The following HYKK variants were observed in gnomAD, a reference collection of about 807,000 sequenced individuals.
HYKK encodes the protein hydroxylysine kinase.
Under a neutral mutation model 29.7 loss-of-function variants are expected in HYKK, and 19 were observed. The ratio of observed to expected loss-of-function variants is 0.64; its 90% CI spans 0.45 to 0.94. The LOEUF (loss-of-function observed/expected upper bound fraction) is 0.94. HYKK is among the 40% of genes least tolerant of loss of function. HYKK has a pLI of 0.00. For missense variants in HYKK, 390 were observed against 443.4 expected (o/e 0.88, Z 1.08); for synonymous variants, 152 against 158.1 (o/e 0.96, Z 0.29).
At chr15:78,529,055 G>C (rs2052286219) in intron 4 of HYKK, among the ~76,000 whole-genome samples, 1 of 152,160 alleles carries the variant, frequency 6.6e-6, no homozygotes, top group Non-Finnish European at 1.5e-5. Context: ...TTTCTCTCAT[G>C]TCACAAATCC....
intron 3 of HYKK, among the ~76,000 whole-genome samples, chr15:78,517,867 C>T (rs2052152400): frequency 6.6e-6 from 1 of 152,168 alleles, no homozygotes; most frequent in African/African-American, 2.4e-5. Context: ...TGGCCCTGTG[C>T]GTGCCATGTA....
chr15:78,516,852 C>G (rs2052138568), intron 3 of HYKK, among the ~76,000 whole-genome samples: 1 of 151,814 alleles, frequency 6.6e-6, no homozygotes, highest in South Asian at 2.1e-4. Context: ...GAAACCCTGT[C>G]TCTACTAAAA....
At chr15:78,528,690 C>A in intron 4 of HYKK, 1 of 317,558 alleles carries the variant, frequency 3.1e-6, no homozygotes, top group Non-Finnish European at 4.5e-6. Context: ...GTAATCTCAG[C>A]TACTCAGAGG....
At chr15:78,520,907 G>A (rs1167510068) in intron 3 of HYKK, among the ~76,000 whole-genome samples, 19 of 150,392 alleles carry the variant, frequency 1.3e-4, no homozygotes, top group Admixed American at 9.3e-4. Context: ...GCGGCTGGCC[G>A]GGTGGGGGGC....
intron 2 of HYKK, 108 bp downstream of exon 2, chr15:78,513,533 G>C (rs1040684858): frequency 2.5e-6 from 2 of 795,002 alleles, no homozygotes; most frequent in South Asian, 1.7e-5. Flanking sequence ...GTGTAGATGT[G>C]GTTGTTATTA....
At chr15:78,512,320 G>A (rs892588200) in intron 1 of HYKK, among the ~76,000 whole-genome samples, 21 of 151,866 alleles carry the variant, frequency 1.4e-4, no homozygotes, top group Non-Finnish European at 1.9e-4. Flanking sequence ...AACCTAAGAC[G>A]GTAGGAATAT....
At chr15:78,524,713 G>A (rs560280832) in intron 3 of HYKK, among the ~76,000 whole-genome samples, 151 of 152,240 alleles carry the variant, frequency 9.9e-4, no homozygotes, top group African/African-American at 3.5e-3. Flanking sequence ...GGAGGCTGAG[G>A]CAGGAGTATC....
At chr15:78,531,927 T>C (rs2052316490) in intron 4 of HYKK, among the ~76,000 whole-genome samples, 1 of 136,838 alleles carries the variant, frequency 7.3e-6, no homozygotes, top group Non-Finnish European at 1.7e-5. Context: ...AGTAATATTG[T>C]TTCTATGTGC....
At chr15:78,510,834 G>A (rs1436979546) in intron 1 of HYKK, among the ~76,000 whole-genome samples, 1 of 152,062 alleles carries the variant, frequency 6.6e-6, no homozygotes, top group Non-Finnish European at 1.5e-5. Flanking sequence ...ACAAATGTAA[G>A]CCATGTCGCC....
intron 2 of HYKK, among the ~76,000 whole-genome samples, chr15:78,513,859 A>T (rs2052100394): frequency 6.6e-6 from 1 of 152,086 alleles, no homozygotes; most frequent in African/African-American, 2.4e-5. Context: ...TGGCGCAGTC[A>T]CAGCTCACTG....
chr15:78,509,288 G>C (rs1464364998), intron 1 of HYKK, among the ~76,000 whole-genome samples: 1 of 152,230 alleles, frequency 6.6e-6, no homozygotes, highest in Non-Finnish European at 1.5e-5. Flanking sequence ...CTCTGTTTTA[G>C]AGGAGACATG....
chr15:78,533,322 C>T lies in HYKK; in HGVS notation c.774C>T (p.Ser258=). 1 of 1,614,000 alleles carries T rather than the reference C, an allele frequency of 6.2e-7. No individual in the cohort carries two copies. The highest frequency in any genetic ancestry group is 1.3e-5 in the African/African-American group (1 of 75,052). ...GGATTTTAGACTTTGGTGACATGAGCTATGGCTACTATGTGTTTGAAGTGG... is the reference window on the plus strand; with the variant it reads ...GGATTTTAGACTTTGGTGACATGAGTTATGGCTACTATGTGTTTGAAGTGG... The part of the protein sequence containing the change: ...VSGILDFGDM[S]YGYYVFEVAI... Residue 258 remains serine, a synonymous_variant, in exon 5 of 5, where the codon AGC becomes AGT. Transcript: ENST00000388988.
intron 3 of HYKK, among the ~76,000 whole-genome samples, chr15:78,519,220 ATC>A (rs923464397): frequency 6.6e-6 from 1 of 152,194 alleles, no homozygotes; most frequent in African/African-American, 2.4e-5. Flanking sequence ...ACTTACAATA[ATC>A]ACCATTTTAT....
intron 3 of HYKK, 104 bp downstream of exon 3, chr15:78,515,211 C>A: frequency 1.2e-6 from 1 of 827,358 alleles, no homozygotes; most frequent in Non-Finnish European, 1.8e-6. Flanking sequence ...TATGGTGCTA[C>A]CTAAGGTATG....
At chr15:78,512,859 TTAAAAA>T (rs2052088405) in intron 1 of HYKK, among the ~76,000 whole-genome samples, 1 of 152,164 alleles carries the variant, frequency 6.6e-6, no homozygotes, top group African/African-American at 2.4e-5. Context: ...GGAGGTAAGT[TTAAAAA>T]TAATTTGTCC....
At chr15:78,529,947 C>T (rs1440114659) in intron 4 of HYKK, among the ~76,000 whole-genome samples, 1 of 151,690 alleles carries the variant, frequency 6.6e-6, no homozygotes, top group Non-Finnish European at 1.5e-5. Context: ...AAGCGATCCT[C>T]CCACCTCAGA....
chr15:78,533,427 C>T lies in HYKK; in HGVS notation c.879C>T (p.Ser293=). ...GCCATGTCCTTGCAGGGTTTGAAAG[C>T]ATCACCCCACTGACAGCTGTAGAGA... The part of the protein sequence containing the change: ...VGGHVLAGFE[S]ITPLTAVEKG... The change falls in exon 5 of 5, where the codon AGC becomes AGT. Residue 293 remains serine (S), a synonymous_variant. Transcript: ENST00000388988. 6.2e-7 allele frequency: 1 copy of T among 1,614,180 alleles called. No homozygotes were observed. Among genetic ancestry groups the T allele is most frequent in the South Asian group, 1.1e-5 (1 of 91,084 alleles).
At chr15:78,532,478 T>C (rs1427483510) in intron 4 of HYKK, among the ~76,000 whole-genome samples, 26 of 152,296 alleles carry the variant, frequency 1.7e-4, no homozygotes, top group Non-Finnish European at 2.9e-5. Context: ...AGAATTACCA[T>C]GTTATCAGAA....
chr15:78,530,653 G>T (rs1002815206), intron 4 of HYKK, among the ~76,000 whole-genome samples: 7 of 136,214 alleles, frequency 5.1e-5, no homozygotes, highest in Non-Finnish European at 1.2e-4. Context: ...TAACCTTATT[G>T]AGCTAAAAAA....
Sources: gnomAD v4.1 joint callset for allele counts (sites outside exome capture counted in the v4.1 genomes callset) on GRCh38, gnomAD v4.1.1 for gene constraint, MANE v1.5 for transcripts, NCBI Gene and HGNC (gene_info 2026-07-23, HGNC 2026-07-21) for gene names.